Variants in GPC5 observed in about 807,000 individuals in gnomAD.
GPC5 encodes glypican-5.
GPC5 carries 47 observed loss-of-function variants against 53.9 expected under a neutral mutation model. That is an observed-to-expected ratio of 0.87 (90% CI 0.69 to 1.11). The LOEUF is 1.11. Among genes scored for constraint, GPC5 ranks in the 50% most tolerant of loss-of-function variants. The probability of loss-of-function intolerance (pLI) is 0.00; values close to 1 mark genes in which losing one functional copy is unlikely to be tolerated. For missense variants in GPC5, 748 were observed against 713.1 expected, an observed-to-expected ratio of 1.05 and a Z score of -0.56; for synonymous variants, 286 against 263.3, an observed-to-expected ratio of 1.09 and a Z score of -0.84.
At chr13:92,058,270 A>T (rs535018946) in intron 6 of GPC5, among the ~76,000 whole-genome samples, 22 of 152,242 alleles carry the variant, frequency 1.4e-4, no homozygotes, top group Non-Finnish European at 1.5e-5. Flanking sequence ...CAAGCGATCC[A>T]CTTGCCTTGG....
chr13:91,590,599 A>G, intron 2 of GPC5, among the ~76,000 whole-genome samples: 1 of 152,194 alleles, frequency 6.6e-6, no homozygotes, highest in Non-Finnish European at 1.5e-5. Flanking sequence ...AAGTAAAATA[A>G]AAATTAAGCA....
intron 1 of GPC5, among the ~76,000 whole-genome samples, chr13:91,424,889 C>A (rs1878929246): frequency 6.6e-6 from 1 of 152,044 alleles, no homozygotes; most frequent in African/African-American, 2.4e-5. Flanking sequence ...TCAGGACAAG[C>A]AAAGGTACTA....
At chr13:92,641,603 T>G (rs1197665030) in intron 7 of GPC5, among the ~76,000 whole-genome samples, 1 of 152,188 alleles carries the variant, frequency 6.6e-6, no homozygotes, top group Non-Finnish European at 1.5e-5. Context: ...GAGAGTTTTA[T>G]TGCAGTTTAT....
intron 7 of GPC5, among the ~76,000 whole-genome samples, chr13:92,663,885 TATATATATATATATATATAC>T (rs1252291747): frequency 1.5e-4 from 8 of 51,996 alleles, no homozygotes; most frequent in Non-Finnish European, 2.6e-4. Context: ...TATATATATA[TATATATATATATATATATAC>T]ACACACACAC....
At chr13:91,463,777 T>G (rs1434318989) in intron 2 of GPC5, among the ~76,000 whole-genome samples, 1 of 152,012 alleles carries the variant, frequency 6.6e-6, no homozygotes, top group African/African-American at 2.4e-5. Flanking sequence ...GAACCCAAAA[T>G]AGATCATATA....
rs77303456 is a variant in GPC5, at chr13:91,549,673, T to C, written c.325+100751T>C. ...ATGTGAAAAGTTGCTCAACATCATA[T>C]GTCATGAGGGAAATAAAAATTAAAA... On this transcript the variant is annotated intron_variant, in intron 2 of 7. Coordinates refer to ENST00000377067, the MANE Select transcript of GPC5 (RefSeq NM_004466.6). 7.2e-5 allele frequency among the ~76,000 whole-genome samples: 11 copies of C among 152,208 alleles called. No homozygotes were observed. The East Asian group carries it at 1.9e-3, about 27-fold the overall frequency.
intron 7 of GPC5, among the ~76,000 whole-genome samples, chr13:92,349,966 A>C (rs1392368138): frequency 3.9e-5 from 6 of 152,190 alleles, no homozygotes; most frequent in African/African-American, 1.4e-4. Flanking sequence ...CTTGATGAAC[A>C]TAGACATAAA....
chr13:92,452,305 G>A (rs1312029580), intron 7 of GPC5, among the ~76,000 whole-genome samples: 1 of 152,070 alleles, frequency 6.6e-6, no homozygotes, highest in African/African-American at 2.4e-5. Context: ...AGTTATCAAA[G>A]AAGTATTGTT....
chr13:92,277,215 G>A (rs113830406), intron 7 of GPC5, among the ~76,000 whole-genome samples: 2,344 of 152,032 alleles, frequency 0.015, 72 homozygotes, highest in African/African-American at 0.053. Context: ...CACCCACCAT[G>A]GGTCTGGGAA....
chr13:91,511,022 C>CTTTTT (rs1885207038), intron 2 of GPC5, among the ~76,000 whole-genome samples: 1 of 151,848 alleles, frequency 6.6e-6, no homozygotes, highest in African/African-American at 2.4e-5. Context: ...CTGAAATCAG[C>CTTTTT]TCTTTATTTT....
chr13:92,099,185 A>G (rs1275588561), intron 6 of GPC5, among the ~76,000 whole-genome samples: 1 of 152,072 alleles, frequency 6.6e-6, no homozygotes, highest in African/African-American at 2.4e-5. Context: ...GAGTTTCCCA[A>G]TATTCTTGAA....
intron 1 of GPC5, among the ~76,000 whole-genome samples, chr13:91,416,136 G>T (rs961570684): frequency 2.6e-5 from 4 of 152,162 alleles, no homozygotes; most frequent in Non-Finnish European, 4.4e-5. Context: ...GAAGTACCTT[G>T]AGGAGGGAGG....
At chr13:92,633,508 T>C (rs1885323160) in intron 7 of GPC5, among the ~76,000 whole-genome samples, 1 of 152,200 alleles carries the variant, frequency 6.6e-6, no homozygotes. Context: ...CACTTGGGTA[T>C]TAAAGGTATA....
chr13:92,858,480 A>T (rs1879078038), intron 7 of GPC5, among the ~76,000 whole-genome samples: 1 of 152,202 alleles, frequency 6.6e-6, no homozygotes, highest in African/African-American at 2.4e-5. Flanking sequence ...CCATGCAGCT[A>T]TAAAAAAATG....
intron 6 of GPC5, among the ~76,000 whole-genome samples, chr13:92,095,545 G>GT (rs1395592290): frequency 2.7e-5 from 4 of 150,740 alleles, no homozygotes; most frequent in South Asian, 2.1e-4. Flanking sequence ...TTTTGTTTTT[G>GT]TTTTTTTGAG....
At position 91,851,829 on chromosome 13, in the gene GPC5, G is replaced by C. The variant is rs7982034; in HGVS notation, c.1281-56108G>C. 4.7e-4 allele frequency among the ~76,000 whole-genome samples: 61 copies of C among 130,478 alleles called. 1 individual carries two copies. The highest frequency in any genetic ancestry group is 3.0e-3 in the East Asian group (11 of 3,684). The allele number at this position is 130,478 out of a possible 152,430, so 85.6% of individuals were successfully genotyped here. ...TCCATGTCCCTACAAAGGACATGAAGTCATCCTTTTTTATGTCTGCATAGT... is the reference window on the plus strand; with the variant it reads ...TCCATGTCCCTACAAAGGACATGAACTCATCCTTTTTTATGTCTGCATAGT... On this transcript the variant is annotated intron_variant, in intron 5 of 7. Coordinates refer to ENST00000377067, the MANE Select transcript of GPC5 (RefSeq NM_004466.6).
rs2041855243 is a variant in GPC5 at position 92,144,865 on chromosome 13, G to A, written c.1437G>A (p.Trp479Ter). 2 of 1,611,930 alleles carry A rather than the reference G, an allele frequency of 1.2e-6. No homozygotes were observed. Among genetic ancestry groups the A allele is most frequent in the East Asian group, 4.5e-5 (2 of 44,576 alleles). Residue 479 changes from tryptophan (W) to a stop codon, truncating the protein, a stop_gained, in exon 7 of 8, where the codon TGG (tryptophan) becomes TGA (stop). Transcript: ENST00000377067. LOFTEE classifies it high-confidence loss of function. ...GTAGATCACCCAAACCTGACAAGTG[G>A]GAACTTCTTCAGCTGGGCAGTGGTG... ...LQGRSPKPDKWELLQLGSGGG... is the reference protein window; with the variant it reads ...LQGRSPKPDK
intron 3 of GPC5, among the ~76,000 whole-genome samples, chr13:91,724,711 G>A (rs1336082020): frequency 6.6e-6 from 1 of 152,008 alleles, no homozygotes; most frequent in African/African-American, 2.4e-5. Context: ...TAAAAAATAA[G>A]CCAGGCATGG....
intron 7 of GPC5, among the ~76,000 whole-genome samples, chr13:92,194,006 G>A (rs1256312877): frequency 6.6e-6 from 1 of 152,082 alleles, no homozygotes; most frequent in East Asian, 1.9e-4. Flanking sequence ...CTCAGTGCCT[G>A]GCCAATAGCA....
Sources: gnomAD v4.1 joint callset for allele counts (sites outside exome capture counted in the v4.1 genomes callset) on GRCh38, gnomAD v4.1.1 for gene constraint, MANE v1.5 for transcripts, NCBI Gene and HGNC (gene_info 2026-07-23, HGNC 2026-07-21) for gene names.